Variants in SYT1 observed in about 807,000 individuals in gnomAD.
The protein encoded by SYT1 is synaptotagmin 1, also known as synaptotagmin-1.
In SYT1, 8 loss-of-function variants were observed where a neutral mutation model predicts 44.8. The ratio of observed to expected loss-of-function variants is 0.18; its 90% confidence interval spans 0.10 to 0.32. The LOEUF (loss-of-function observed/expected upper bound fraction) is 0.32. Ranked by LOEUF, SYT1 falls within the 10% of genes least tolerant of loss-of-function variation. The probability of loss-of-function intolerance (pLI) is 1.00; values close to 1 mark genes in which losing one functional copy is unlikely to be tolerated. For synonymous variants in SYT1, 154 were observed against 188.8 expected, an observed-to-expected ratio of 0.82 and a Z score of 1.51; for missense variants, 286 against 509.3, an observed-to-expected ratio of 0.56 and a Z score of 4.22.
intron 1 of SYT1, among the ~76,000 whole-genome samples, chr12:78,949,234 A>T (rs542405366): frequency 6.6e-6 from 1 of 151,656 alleles, no homozygotes. Context: ...GTACCATAGA[A>T]CATAATTTTA....
intron 3 of SYT1, among the ~76,000 whole-genome samples, chr12:79,216,589 A>T (rs1874820503): frequency 6.6e-6 from 1 of 152,196 alleles, no homozygotes; most frequent in Admixed American, 6.5e-5. Flanking sequence ...TTAGGATGTC[A>T]AATGCCCTGT....
chr12:79,238,179 T>C (rs1447362446), intron 4 of SYT1, among the ~76,000 whole-genome samples: 3 of 152,176 alleles, frequency 2.0e-5, no homozygotes, highest in Non-Finnish European at 4.4e-5. Flanking sequence ...ATACATTTAG[T>C]GGTATGGCTG....
At chr12:79,365,829 T>C (rs1331830118) in intron 9 of SYT1, among the ~76,000 whole-genome samples, 1 of 52,090 alleles carries the variant, frequency 1.9e-5, no homozygotes, top group Non-Finnish European at 2.9e-5. Flanking sequence ...TTGCAAAGAG[T>C]ACCAGAAAAA....
chr12:79,332,675 T>G (rs953390632), intron 8 of SYT1, among the ~76,000 whole-genome samples: 5 of 152,190 alleles, frequency 3.3e-5, no homozygotes, highest in African/African-American at 7.2e-5. Context: ...GTGGGAGGTA[T>G]TCCCTTGTCA....
chr12:79,035,729 G>C (rs1295069024), intron 2 of SYT1, among the ~76,000 whole-genome samples: 1 of 151,588 alleles, frequency 6.6e-6, no homozygotes, highest in African/African-American at 2.4e-5. Context: ...ATTCTGCTCT[G>C]TTTTGATATA....
At chr12:78,896,111 ATCCAAC>A (rs1452491127) in intron 1 of SYT1, among the ~76,000 whole-genome samples, 2 of 151,776 alleles carry the variant, frequency 1.3e-5, no homozygotes, top group African/African-American at 4.8e-5. Context: ...ATATCTAGAA[ATCCAAC>A]TCTGTATACC....
chr12:78,937,036 G>A (rs893766424), intron 1 of SYT1, among the ~76,000 whole-genome samples: 2 of 152,208 alleles, frequency 1.3e-5, no homozygotes, highest in African/African-American at 4.8e-5. Flanking sequence ...AAACTGACAA[G>A]AAGCTTTTTT....
intron 2 of SYT1, among the ~76,000 whole-genome samples, chr12:79,030,530 A>G (rs1872768267): frequency 6.6e-6 from 1 of 151,056 alleles, no homozygotes. Context: ...TTGTATGCAT[A>G]AAAAACTCAT....
rs1479635538 is a variant in SYT1 at position 79,014,775 on chromosome 12, G to A, written c.-83-32522G>A. On this transcript the variant is annotated intron_variant, in intron 2 of 10. Transcript: ENST00000261205. ...ACACATGCACACGTATGTTTATTGC[G>A]GCACTATTCACAATAGCAAAGACTT... 7.6e-4 allele frequency among the ~76,000 whole-genome samples: 116 copies of A among 151,954 alleles called. 1 individual carries two copies. The highest frequency in any genetic ancestry group is 1.3e-3 in the Non-Finnish European group (87 of 67,966).
chr12:79,248,675 A>G (rs910141588), intron 4 of SYT1, among the ~76,000 whole-genome samples: 1 of 152,216 alleles, frequency 6.6e-6, no homozygotes, highest in Admixed American at 6.5e-5. Flanking sequence ...AGGAAATGGT[A>G]TGTTCAACAA....
chr12:79,056,143 A>G (rs1007510624), intron 3 of SYT1, among the ~76,000 whole-genome samples: 10 of 152,080 alleles, frequency 6.6e-5, no homozygotes. Flanking sequence ...TTCAGCAACA[A>G]CAAAATTGCC....
At chr12:79,052,909 G>A (rs1012369072) in intron 3 of SYT1, among the ~76,000 whole-genome samples, 4 of 152,142 alleles carry the variant, frequency 2.6e-5, no homozygotes, top group African/African-American at 9.7e-5. Flanking sequence ...ACTGTTGGTG[G>A]GACTGTAAAC....
At chr12:79,051,846 G>A (rs1025295498) in intron 3 of SYT1, among the ~76,000 whole-genome samples, 1 of 151,828 alleles carries the variant, frequency 6.6e-6, no homozygotes, top group Non-Finnish European at 1.5e-5. Context: ...GTAGATATGC[G>A]GCATTATTTC....
intron 8 of SYT1, among the ~76,000 whole-genome samples, chr12:79,309,190 T>G (rs1880634744): frequency 6.6e-6 from 1 of 152,154 alleles, no homozygotes; most frequent in Admixed American, 6.5e-5. Context: ...GGGGGCACTT[T>G]GTATGAAAAA....
chr12:79,130,559 G>A (rs61927279), intron 3 of SYT1, among the ~76,000 whole-genome samples: 17,332 of 152,122 alleles, frequency 0.11, 1,061 homozygotes, highest in African/African-American at 0.13. Context: ...GAAATTTGGA[G>A]CAAAGATCAA....
At chr12:79,401,113 C>A (rs900387191) in intron 9 of SYT1, among the ~76,000 whole-genome samples, 23 of 152,118 alleles carry the variant, frequency 1.5e-4, no homozygotes, top group African/African-American at 4.8e-4. Flanking sequence ...TAATACATAT[C>A]AAATTGCATT....
chr12:79,158,724 C>T (rs960179135), intron 3 of SYT1, among the ~76,000 whole-genome samples: 5 of 151,928 alleles, frequency 3.3e-5, no homozygotes, highest in Non-Finnish European at 5.9e-5. Context: ...ATGGTGAAAA[C>T]CCATCTCTAC....
chr12:79,181,661 G>A (rs1347213501), intron 3 of SYT1, among the ~76,000 whole-genome samples: 1 of 151,984 alleles, frequency 6.6e-6, no homozygotes, highest in Non-Finnish European at 1.5e-5. Flanking sequence ...TCATGTGACT[G>A]GAACCACTGT....
chr12:79,195,363 C>A (rs190406973), intron 3 of SYT1, among the ~76,000 whole-genome samples: 1 of 152,168 alleles, frequency 6.6e-6, no homozygotes, highest in East Asian at 1.9e-4. Flanking sequence ...AATGAAAATT[C>A]TAACTATATT....
Sources: allele counts gnomAD v4.1 joint callset (sites outside exome capture counted in the v4.1 genomes callset), GRCh38; gene constraint gnomAD v4.1.1; transcripts MANE v1.5; gene names NCBI Gene and HGNC (gene_info 2026-07-23, HGNC 2026-07-21).